EXT1: variants seen among roughly 807,000 people sequenced by gnomAD.
EXT1 encodes the protein exostosin-1.
In EXT1, 20 loss-of-function variants were observed where a neutral mutation model predicts 82.5. The observed-to-expected ratio is 0.24, with a 90% CI of 0.17 to 0.35. The LOEUF (loss-of-function observed/expected upper bound fraction) is 0.35. Among genes scored for constraint, EXT1 ranks in the 10% least tolerant of loss-of-function variants. The pLI, the probability that EXT1 is intolerant of heterozygous loss-of-function variation, is 1.00. For missense variants in EXT1, 757 were observed against 936.5 expected (o/e 0.81, Z 2.50); for synonymous variants, 348 against 350.8 (o/e 0.99, Z 0.09).
chr8:117,935,385 A>T, intron 1 of EXT1, among the ~76,000 whole-genome samples: 1 of 147,108 alleles, frequency 6.8e-6, no homozygotes, highest in Non-Finnish European at 1.5e-5. Flanking sequence ...CAGTGACATC[A>T]TCATGATTCA....
At chr8:117,891,625 A>T (rs1295979970) in intron 1 of EXT1, among the ~76,000 whole-genome samples, 3 of 152,110 alleles carry the variant, frequency 2.0e-5, no homozygotes, top group Admixed American at 6.6e-5. Flanking sequence ...TATGAACTCA[A>T]AAGAAGTCAC....
chr8:117,921,571 G>C (rs890471487), intron 1 of EXT1, among the ~76,000 whole-genome samples: 1 of 152,164 alleles, frequency 6.6e-6, no homozygotes, highest in Admixed American at 6.5e-5. Context: ...TCAAATGAAG[G>C]GGGCAGAGGG....
intron 1 of EXT1, among the ~76,000 whole-genome samples, chr8:118,033,430 C>T (rs1304155716): frequency 6.6e-6 from 1 of 152,192 alleles, no homozygotes; most frequent in Non-Finnish European, 1.5e-5. Context: ...TTAAGTCAGA[C>T]TTCTAGGACT....
intron 1 of EXT1, among the ~76,000 whole-genome samples, chr8:117,907,813 CT>C (rs930364563): frequency 6.6e-6 from 1 of 152,116 alleles, no homozygotes; most frequent in Non-Finnish European, 1.5e-5. Flanking sequence ...GAAACTCTCA[CT>C]TTTTGAAGCG....
chr8:118,082,466 A>T (rs761648650), intron 1 of EXT1, among the ~76,000 whole-genome samples: 1 of 152,164 alleles, frequency 6.6e-6, no homozygotes, highest in African/African-American at 2.4e-5. Context: ...GAAAATTCTA[A>T]ATTTATTTTC....
intron 1 of EXT1, among the ~76,000 whole-genome samples, chr8:117,933,639 C>T (rs1056267118): frequency 6.6e-6 from 1 of 152,130 alleles, no homozygotes; most frequent in Non-Finnish European, 1.5e-5. Flanking sequence ...AGTACTGGGA[C>T]CTTCTTGGTC....
At chr8:117,877,581 A>G (rs1332709409) in intron 1 of EXT1, among the ~76,000 whole-genome samples, 7 of 152,244 alleles carry the variant, frequency 4.6e-5, no homozygotes, top group Admixed American at 1.3e-4. Flanking sequence ...AAGCCACTTC[A>G]TGTTGAAATT....
chr8:118,011,604 G>T (rs1216696147), intron 1 of EXT1, among the ~76,000 whole-genome samples: 1 of 152,128 alleles, frequency 6.6e-6, no homozygotes, highest in Non-Finnish European at 1.5e-5. Flanking sequence ...GAAAACTGAG[G>T]TTCACAGATA....
At chr8:117,964,611 CTGTG>C (rs745952207) in intron 1 of EXT1, among the ~76,000 whole-genome samples, 85 of 150,390 alleles carry the variant, frequency 5.7e-4, no homozygotes, top group Middle Eastern at 6.8e-3. Context: ...GGTTTTATGT[CTGTG>C]TGTGTGTGTG....
At chr8:117,966,807 C>T (rs761085045) in intron 1 of EXT1, among the ~76,000 whole-genome samples, 6 of 152,146 alleles carry the variant, frequency 3.9e-5, no homozygotes, top group Admixed American at 6.6e-5. Flanking sequence ...TCCCCCTTTT[C>T]GTTTTTCAGC....
intron 1 of EXT1, among the ~76,000 whole-genome samples, chr8:118,018,811 G>A (rs1586346191): frequency 6.6e-6 from 1 of 152,056 alleles, no homozygotes; most frequent in African/African-American, 2.4e-5. Flanking sequence ...ATTTTGTCAC[G>A]CAACCCTGAA....
chr8:117,952,161 AC>A (rs1178298142), intron 1 of EXT1, among the ~76,000 whole-genome samples: 5 of 152,180 alleles, frequency 3.3e-5, no homozygotes, highest in Non-Finnish European at 1.5e-5. Flanking sequence ...TAGGAAAATC[AC>A]CCAGCACACA....
intron 1 of EXT1, among the ~76,000 whole-genome samples, chr8:118,018,693 T>G (rs1022971345): frequency 6.6e-6 from 1 of 152,210 alleles, no homozygotes; most frequent in African/African-American, 2.4e-5. Context: ...ATAAATTTCG[T>G]TATTACTAAG....
At chr8:117,899,745 T>C (rs915911359) in intron 1 of EXT1, among the ~76,000 whole-genome samples, 1 of 152,154 alleles carries the variant, frequency 6.6e-6, no homozygotes, top group Non-Finnish European at 1.5e-5. Context: ...CAATATAAAA[T>C]AAAGCTTATC....
intron 1 of EXT1, among the ~76,000 whole-genome samples, chr8:118,038,763 C>T (rs1586357523): frequency 6.6e-6 from 1 of 152,336 alleles, no homozygotes; most frequent in East Asian, 1.9e-4. Flanking sequence ...GCCATAAACT[C>T]TTCATTAAAC....
At chr8:118,019,513 A>G (rs1299707541) in intron 1 of EXT1, among the ~76,000 whole-genome samples, 1 of 152,248 alleles carries the variant, frequency 6.6e-6, no homozygotes, top group African/African-American at 2.4e-5. Flanking sequence ...ACCACAAGGT[A>G]AATGGTGGGT....
chr8:118,081,688 AT>A (rs1178721962), intron 1 of EXT1, among the ~76,000 whole-genome samples: 1 of 152,146 alleles, frequency 6.6e-6, no homozygotes, highest in Non-Finnish European at 1.5e-5. Flanking sequence ...GGAAAAGGGG[AT>A]TACAAAGAAA....
intron 1 of EXT1, among the ~76,000 whole-genome samples, chr8:117,856,045 A>G (rs1212457541): frequency 6.6e-6 from 1 of 152,238 alleles, no homozygotes; most frequent in Non-Finnish European, 1.5e-5. Context: ...TGACAGGTTG[A>G]AAGCTATGCC....
At chr8:117,946,838 T>A (rs954355127) in intron 1 of EXT1, among the ~76,000 whole-genome samples, 1 of 152,210 alleles carries the variant, frequency 6.6e-6, no homozygotes, top group African/African-American at 2.4e-5. Context: ...GAAACTTATA[T>A]GGAGGAATGA....
Sources: gnomAD v4.1 joint callset for allele counts (sites outside exome capture counted in the v4.1 genomes callset) on GRCh38, gnomAD v4.1.1 for gene constraint, MANE v1.5 for transcripts, NCBI Gene and HGNC (gene_info 2026-07-23, HGNC 2026-07-21) for gene names.